Variants in FARS2 observed in about 807,000 individuals in gnomAD.
The protein encoded by FARS2 is phenylalanine--tRNA ligase, mitochondrial.
FARS2 carries 40 observed loss-of-function variants against 46.4 expected under a neutral mutation model. That is an observed-to-expected ratio of 0.86 (90% CI 0.67 to 1.12). The LOEUF (loss-of-function observed/expected upper bound fraction) is 1.12. Among genes scored for constraint, FARS2 ranks in the 50% most tolerant of loss-of-function variants. FARS2 has a pLI of 0.00. For synonymous variants in FARS2, 234 were observed against 214.9 expected (o/e 1.09, Z -0.78); for missense variants, 513 against 567.9 (o/e 0.90, Z 0.98).
At chr6:5,515,558 A>G (rs2150412181) in intron 4 of FARS2, among the ~76,000 whole-genome samples, 1 of 152,252 alleles carries the variant, frequency 6.6e-6, no homozygotes, top group Middle Eastern at 3.4e-3. Context: ...CTTCCCAAGT[A>G]GTTGGGATTA....
At position 5,551,230 on chromosome 6, in the gene FARS2, A is replaced by G. The variant is rs780140235; in HGVS notation, c.1065+5890A>G. On this transcript the variant is annotated intron_variant, in intron 5 of 6. Transcript: ENST00000274680. ...CAATTCATCTAATTCTGCCGCTATGAATGAACAAGGATCCCCTTTCCTCCA... is the reference window on the plus strand; with the variant it reads ...CAATTCATCTAATTCTGCCGCTATGGATGAACAAGGATCCCCTTTCCTCCA... Among the ~76,000 whole-genome samples the G allele has an allele frequency of 3.9e-5, 6 of 152,338 alleles. No individual in the cohort carries two copies. In the East Asian group the frequency reaches 5.8e-4, roughly 15 times the overall value.
At chr6:5,717,933 T>TAGAGAGAGAGAGAGAGAGAGAG (rs1195279552) in intron 6 of FARS2, among the ~76,000 whole-genome samples, 43 of 128,234 alleles carry the variant, frequency 3.4e-4, no homozygotes, top group African/African-American at 8.6e-4. Flanking sequence ...TATATATATA[T>TAGAGAGAGAGAGAGAGAGAGAG]ATACAGAGTC....
chr6:5,617,441 C>T (rs761867145), intron 6 of FARS2, among the ~76,000 whole-genome samples: 10 of 152,248 alleles, frequency 6.6e-5, no homozygotes, highest in African/African-American at 9.6e-5. Flanking sequence ...GTTCCTGTGG[C>T]AGAGATTGCT....
intron 1 of FARS2, among the ~76,000 whole-genome samples, chr6:5,356,461 G>T (rs1232778622): frequency 2.0e-5 from 3 of 152,070 alleles, no homozygotes; most frequent in African/African-American, 7.2e-5. Flanking sequence ...ATGATAGGTA[G>T]ATAGATGATA....
intron 5 of FARS2, among the ~76,000 whole-genome samples, chr6:5,578,822 A>AC (rs1561727242): frequency 5.9e-4 from 13 of 22,008 alleles, no homozygotes; most frequent in South Asian, 2.1e-3. Flanking sequence ...AAAAAAAAAA[A>AC]AAAAAAAAAA....
At chr6:5,444,531 C>A (rs1764065534) in intron 4 of FARS2, among the ~76,000 whole-genome samples, 1 of 144,636 alleles carries the variant, frequency 6.9e-6, no homozygotes, top group African/African-American at 2.6e-5. Context: ...ATCTTAGTGC[C>A]AGGTGTCTGA....
chr6:5,557,545 C>G (rs1167802973), intron 5 of FARS2, among the ~76,000 whole-genome samples: 1 of 152,146 alleles, frequency 6.6e-6, no homozygotes, highest in Non-Finnish European at 1.5e-5. Flanking sequence ...GAGCTCGTGT[C>G]AATAAAGCTT....
intron 1 of FARS2, among the ~76,000 whole-genome samples, chr6:5,264,365 G>T (rs903094685): frequency 1.3e-5 from 2 of 152,196 alleles, no homozygotes; most frequent in African/African-American, 4.8e-5. Flanking sequence ...GAAGGGGGAA[G>T]ACCTTAGATA....
chr6:5,290,243 G>T (rs973009469), intron 1 of FARS2, among the ~76,000 whole-genome samples: 4 of 152,150 alleles, frequency 2.6e-5, no homozygotes, highest in African/African-American at 9.7e-5. Flanking sequence ...GTGACTGTGT[G>T]TGTGAGGGAA....
rs1023336017 is a variant in FARS2 at position 5,753,531 on chromosome 6, C to T, written c.1218-17760C>T. 1.4e-4 allele frequency among the ~76,000 whole-genome samples: 21 copies of T among 151,894 alleles called. 1 individual carries two copies. Among genetic ancestry groups the T allele is most frequent in the Admixed American group, 1.2e-3 (18 of 15,268 alleles). ...TCTTTTAATGAATCGCAGAAATGATCAGCTGTGGCACGGAGCTGTCAGTAA... is the reference window on the plus strand; with the variant it reads ...TCTTTTAATGAATCGCAGAAATGATTAGCTGTGGCACGGAGCTGTCAGTAA... On this transcript the variant is annotated intron_variant, in intron 6 of 6. Coordinates refer to ENST00000274680, the MANE Select transcript of FARS2 (RefSeq NM_006567.5).
At chr6:5,288,389 C>T (rs562200937) in intron 1 of FARS2, among the ~76,000 whole-genome samples, 1 of 152,338 alleles carries the variant, frequency 6.6e-6, no homozygotes, top group South Asian at 2.1e-4. Context: ...ACCAATCCCT[C>T]CTGCTTTCCA....
intron 1 of FARS2, among the ~76,000 whole-genome samples, chr6:5,278,388 T>G (rs1230281261): frequency 7.9e-5 from 12 of 152,294 alleles, no homozygotes; most frequent in South Asian, 4.1e-4. Context: ...CGCTGGTTTT[T>G]GGTTGGTTGT....
intron 2 of FARS2, among the ~76,000 whole-genome samples, chr6:5,380,683 C>T (rs1759700511): frequency 6.6e-6 from 1 of 152,324 alleles, no homozygotes. Flanking sequence ...TAAAAGACTA[C>T]ACTCTTGCTA....
intron 6 of FARS2, among the ~76,000 whole-genome samples, chr6:5,741,128 A>C (rs942582128): frequency 6.6e-6 from 1 of 152,216 alleles, no homozygotes; most frequent in East Asian, 1.9e-4. Flanking sequence ...ATCTTAAAGC[A>C]TCCTGAGAGT....
At chr6:5,754,631 T>C (rs1040720355) in intron 6 of FARS2, among the ~76,000 whole-genome samples, 1 of 152,260 alleles carries the variant, frequency 6.6e-6, no homozygotes, top group Non-Finnish European at 1.5e-5. Flanking sequence ...GACCTTTTCA[T>C]TGTGTCTCAC....
At chr6:5,472,182 G>A (rs1242602382) in intron 4 of FARS2, among the ~76,000 whole-genome samples, 1 of 152,202 alleles carries the variant, frequency 6.6e-6, no homozygotes, top group Non-Finnish European at 1.5e-5. Context: ...GGGGGCTGGT[G>A]TAGTGGTGCT....
intron 4 of FARS2, among the ~76,000 whole-genome samples, chr6:5,442,325 C>A (rs944968593): frequency 6.6e-6 from 1 of 151,564 alleles, no homozygotes; most frequent in Admixed American, 6.6e-5. Flanking sequence ...CTATGTATTG[C>A]AATTATATTC....
chr6:5,723,090 G>A (rs910897496), intron 6 of FARS2, among the ~76,000 whole-genome samples: 3 of 152,098 alleles, frequency 2.0e-5, no homozygotes, highest in Non-Finnish European at 4.4e-5. Flanking sequence ...CCGAGTTCCG[G>A]TTCTGGGGGT....
At chr6:5,715,964 A>G (rs766833597) in intron 6 of FARS2, among the ~76,000 whole-genome samples, 1 of 152,150 alleles carries the variant, frequency 6.6e-6, no homozygotes, top group Admixed American at 6.5e-5. Flanking sequence ...CCACATCCTC[A>G]CCAACACTTG....
Sources: allele counts gnomAD v4.1 joint callset (sites outside exome capture counted in the v4.1 genomes callset), GRCh38; gene constraint gnomAD v4.1.1; transcripts MANE v1.5; gene names NCBI Gene and HGNC (gene_info 2026-07-23, HGNC 2026-07-21).